PUDP: variants seen among roughly 807,000 people sequenced by gnomAD.
The protein encoded by PUDP is pseudouridine 5'-phosphatase, also known as pseudouridine-5'-phosphatase.
In PUDP, 8 loss-of-function variants were observed where a neutral mutation model predicts 9.4. The ratio of observed to expected loss-of-function variants is 0.85; its 90% CI spans 0.50 to 1.53. The LOEUF is 1.53. PUDP is among the 40% of genes most tolerant of loss of function. The pLI, the probability that PUDP is intolerant of heterozygous loss-of-function variation, is 0.00. For missense variants in PUDP, 188 were observed against 189.7 expected, an observed-to-expected ratio of 0.99 and a Z score of 0.05; for synonymous variants, 99 against 80.7, an observed-to-expected ratio of 1.23 and a Z score of -1.22.
At chrX:6,947,550 T>C (rs1379934445) in intron 3 of PUDP, among the ~76,000 whole-genome samples, 1 of 111,944 alleles carries the variant, frequency 8.9e-6, no homozygotes, top group African/African-American at 3.2e-5. Context: ...CCCAACGCTT[T>C]GAGAGGCCAA....
intron 3 of PUDP, among the ~76,000 whole-genome samples, chrX:6,888,848 A>T (rs1262899290): frequency 2.7e-5 from 3 of 110,893 alleles, no homozygotes; most frequent in African/African-American, 9.8e-5. Context: ...TTCCAGAAAC[A>T]GTGCTTCCAA....
intron 3 of PUDP, among the ~76,000 whole-genome samples, chrX:6,830,749 T>A (rs1569107456): frequency 3.6e-5 from 4 of 112,173 alleles, no homozygotes; most frequent in Admixed American, 1.9e-4. Context: ...GTTATCAAAA[T>A]AAAGTAGATG....
intron 3 of PUDP, among the ~76,000 whole-genome samples, chrX:6,904,394 G>A (rs989579191): frequency 2.7e-5 from 3 of 111,118 alleles, no homozygotes; most frequent in Middle Eastern, 4.6e-3. Context: ...GGGATGCTCC[G>A]AAACAGCCTA....
intron 1 of PUDP, among the ~76,000 whole-genome samples, chrX:6,999,891 A>T (rs1178149309): frequency 9.0e-6 from 1 of 111,133 alleles, no homozygotes; most frequent in African/African-American, 3.3e-5. Flanking sequence ...ATAGTATTAA[A>T]TATTTTTTAA....
At chrX:6,954,578 T>A (rs1008066760) in intron 3 of PUDP, among the ~76,000 whole-genome samples, 1 of 111,585 alleles carries the variant, frequency 9.0e-6, no homozygotes, top group African/African-American at 3.3e-5. Flanking sequence ...CACTCCAATT[T>A]CAAGTAGGTT....
chrX:6,961,435 C>T (rs1454899446), intron 3 of PUDP, among the ~76,000 whole-genome samples: 4 of 111,230 alleles, frequency 3.6e-5, no homozygotes, highest in African/African-American at 1.3e-4. Flanking sequence ...TGTCTCCTCT[C>T]AAGCATGAAA....
chrX:7,014,423 T>C (rs1262559129), intron 1 of PUDP, among the ~76,000 whole-genome samples: 1 of 111,056 alleles, frequency 9.0e-6, no homozygotes, highest in East Asian at 2.8e-4. Flanking sequence ...GGTTGGAAAG[T>C]AGGAGTGAAT....
At chrX:6,732,732 T>C in intron 3 of PUDP, among the ~76,000 whole-genome samples, 1 of 110,781 alleles carries the variant, frequency 9.0e-6, no homozygotes, top group East Asian at 2.9e-4. Context: ...AATAAGATGG[T>C]TGAGACTATA....
At chrX:6,946,610 G>T (rs1928467633) in intron 3 of PUDP, among the ~76,000 whole-genome samples, 2 of 112,189 alleles carry the variant, frequency 1.8e-5, no homozygotes, top group Non-Finnish European at 1.9e-5. Flanking sequence ...GGACAGGGGA[G>T]GCAAAATGTG....
intron 3 of PUDP, among the ~76,000 whole-genome samples, chrX:6,926,870 T>C (rs1407717725): frequency 9.1e-6 from 1 of 110,365 alleles, no homozygotes; most frequent in Non-Finnish European, 1.9e-5. Context: ...TTGTTTGTCT[T>C]TTCCACAAAT....
rs149350874 is a variant in PUDP at position 6,771,468 on chromosome X, C to T, written c.*248-65002G>A. ...GTGAATATCTCTTTTGGAGCATGTC[C>T]GCAACTCAAATTAGTAGTCATTTGC... On this transcript the variant is annotated intron_variant and NMD_transcript_variant, in intron 3 of 3. Coordinates refer to the PUDP transcript ENST00000655425. 8.3e-3 allele frequency among the ~76,000 whole-genome samples: 930 copies of T among 111,905 alleles called. 11 individuals carry two copies. Among genetic ancestry groups the T allele is most frequent in the African/African-American group, 0.028 (869 of 30,793 alleles).
chrX:6,887,142 TTTAA>T (rs1214625143), intron 3 of PUDP, among the ~76,000 whole-genome samples: 2 of 73,842 alleles, frequency 2.7e-5, no homozygotes, highest in African/African-American at 7.6e-5. Flanking sequence ...TTTGATTTAA[TTTAA>T]TTATTTAATT....
In PUDP at chrX:6,898,204, G is replaced by A. The variant is rs768116603; in HGVS notation, c.*247+78929C>T. Among the ~76,000 whole-genome samples, 6 of 112,498 alleles carry A rather than the reference G, an allele frequency of 5.3e-5. No homozygotes were observed. The South Asian group carries it at 2.2e-3, about 41-fold the overall frequency. On this transcript the variant is annotated intron_variant and NMD_transcript_variant, in intron 3 of 3. Coordinates refer to the PUDP transcript ENST00000655425. The stretch of plus-strand genomic sequence containing the variant: ...CATGAGTCCACAGGTCTTCCTGGTT[G>A]CTCCATGTTCTGAGCATCCTCAGCT...
intron 3 of PUDP, among the ~76,000 whole-genome samples, chrX:7,059,253 A>G (rs1930332290): frequency 9.0e-6 from 1 of 111,583 alleles, no homozygotes; most frequent in Admixed American, 9.5e-5. Context: ...GTATGTATGT[A>G]AATTAAGTGG....
chrX:6,958,357 C>T (rs1928658776), intron 3 of PUDP, among the ~76,000 whole-genome samples: 1 of 111,819 alleles, frequency 8.9e-6, no homozygotes, highest in South Asian at 3.8e-4. Context: ...TATGCCAGGT[C>T]AAATATTTAG....
intron 3 of PUDP, among the ~76,000 whole-genome samples, chrX:6,727,447 T>A (rs1457912847): frequency 9.0e-6 from 1 of 111,701 alleles, no homozygotes; most frequent in African/African-American, 3.2e-5. Context: ...ATGGAAGAAA[T>A]CTAACATGTT....
intron 2 of PUDP, among the ~76,000 whole-genome samples, chrX:7,084,496 T>C (rs1299301386): frequency 1.8e-5 from 2 of 111,554 alleles, no homozygotes; most frequent in African/African-American, 6.5e-5. Flanking sequence ...TAGTTTTCCT[T>C]TGACTCCATC....
chrX:7,112,453 T>C (rs1293884518), intron 1 of PUDP, among the ~76,000 whole-genome samples: 1 of 112,402 alleles, frequency 8.9e-6, no homozygotes, highest in Non-Finnish European at 1.9e-5. Flanking sequence ...ATCTACTTAA[T>C]GCTTTTTTTC....
At chrX:6,793,342 C>T (rs1042775508) in intron 3 of PUDP, among the ~76,000 whole-genome samples, 1 of 111,677 alleles carries the variant, frequency 9.0e-6, no homozygotes, top group Non-Finnish European at 1.9e-5. Context: ...TTCTAATCCC[C>T]GCCATGAGGA....
Sources: allele counts gnomAD v4.1 joint callset (sites outside exome capture counted in the v4.1 genomes callset), GRCh38; gene constraint gnomAD v4.1.1; transcripts MANE v1.5; gene names NCBI Gene and HGNC (gene_info 2026-07-23, HGNC 2026-07-21).